The following TRPM8 variants were observed in gnomAD, a reference collection of about 807,000 sequenced individuals.
The protein encoded by TRPM8 is TRPM8 cationic channel.
In TRPM8, 110 loss-of-function variants were observed where a neutral mutation model predicts 133.7. That is an observed-to-expected ratio of 0.82 (90% confidence interval 0.70 to 0.96). The LOEUF is 0.96. Among genes scored for constraint, TRPM8 ranks in the 40% least tolerant of loss-of-function variants. The pLI is 0.00. For synonymous variants in TRPM8, 535 were observed against 532.3 expected (o/e 1.01, Z -0.07); for missense variants, 1,291 against 1,379.5 (o/e 0.94, Z 1.02).
intron 22 of TRPM8, among the ~76,000 whole-genome samples, chr2:234,004,526 C>T (rs1377676644): frequency 2.6e-5 from 4 of 152,152 alleles, no homozygotes; most frequent in African/African-American, 9.7e-5. Context: ...TGAAATTGTT[C>T]TTCTTTGGAG....
At chr2:234,011,914 CA>C (rs869030520) in intron 24 of TRPM8, among the ~76,000 whole-genome samples, 906 of 81,212 alleles carry the variant, frequency 0.011, 5 homozygotes, top group South Asian at 0.069. Flanking sequence ...GAGACTGTCT[CA>C]AAAAAAAAAA....
At chr2:233,943,830 A>G (rs1233117283) in intron 6 of TRPM8, among the ~76,000 whole-genome samples, 1 of 152,198 alleles carries the variant, frequency 6.6e-6, no homozygotes, top group Non-Finnish European at 1.5e-5. Flanking sequence ...TTTAAGCTAC[A>G]CCTTCTCCCA....
chr2:233,924,284 T>C lies in TRPM8; in HGVS notation c.-5-2249T>C, dbSNP rs141093982. 3.3e-5 allele frequency among the ~76,000 whole-genome samples: 5 copies of C among 152,312 alleles called. No individual in the cohort carries two copies. In the East Asian group the frequency reaches 9.6e-4, roughly 29 times the overall value. On this transcript the variant is annotated intron_variant, in intron 1 of 25. Transcript: ENST00000324695. ...GGATCTGGCGGTGTGATTTTGTTAC[T>C]TCTCCCTGGCGCATGACGCACCAAG...
intron 9 of TRPM8, among the ~76,000 whole-genome samples, chr2:233,951,955 T>C (rs534239127): frequency 6.6e-6 from 1 of 152,316 alleles, no homozygotes; most frequent in South Asian, 2.1e-4. Context: ...TCCCAGTTTC[T>C]TGACCACTCT....
At chr2:233,937,236 G>C (rs1690775767) in intron 3 of TRPM8, 117 bp from the exon 4 acceptor site, 1 of 1,294,848 alleles carries the variant, frequency 7.7e-7, no homozygotes, top group Admixed American at 2.3e-5. Flanking sequence ...GATGAAAACA[G>C]TCTGAAAATA....
chr2:233,977,228 A>G (rs976998888), intron 17 of TRPM8, among the ~76,000 whole-genome samples: 6 of 152,198 alleles, frequency 3.9e-5, no homozygotes, highest in Non-Finnish European at 5.9e-5. Flanking sequence ...AAAATGGATG[A>G]GTCCCATCAT....
intron 7 of TRPM8, among the ~76,000 whole-genome samples, chr2:233,946,521 G>A (rs998435421): frequency 5.3e-5 from 8 of 152,208 alleles, no homozygotes; most frequent in Non-Finnish European, 7.3e-5. Context: ...ATTATTTGCC[G>A]TGGTTGAGTG....
intron 17 of TRPM8, among the ~76,000 whole-genome samples, chr2:233,979,372 C>T (rs538274285): frequency 4.6e-5 from 7 of 152,104 alleles, no homozygotes; most frequent in East Asian, 1.9e-4. Context: ...TTCTGTGTGC[C>T]GGGAGCCTGG....
At chr2:233,956,049 T>C (rs1691286807) in intron 11 of TRPM8, among the ~76,000 whole-genome samples, 1 of 152,210 alleles carries the variant, frequency 6.6e-6, no homozygotes, top group African/African-American at 2.4e-5. Context: ...GAAAACAAGC[T>C]TGGGGTTCCC....
chr2:233,964,407 C>G (rs1691508572), intron 13 of TRPM8, among the ~76,000 whole-genome samples: 1 of 151,790 alleles, frequency 6.6e-6, no homozygotes, highest in Non-Finnish European at 1.5e-5. Context: ...CAAAAATTAG[C>G]TGGGCATGGT....
At chr2:233,932,781 T>A (rs1691706054) in intron 3 of TRPM8, among the ~76,000 whole-genome samples, 1 of 151,836 alleles carries the variant, frequency 6.6e-6, no homozygotes, top group African/African-American at 2.4e-5. Flanking sequence ...GAATCCCCCA[T>A]GTTTATTATT....
chr2:233,932,634 C>G (rs910897931), intron 3 of TRPM8, among the ~76,000 whole-genome samples: 11 of 151,948 alleles, frequency 7.2e-5, no homozygotes, highest in African/African-American at 2.7e-4. Context: ...GATTACAGCT[C>G]AAGTCTGGGT....
chr2:233,938,436 C>T (rs1208194186), intron 4 of TRPM8, among the ~76,000 whole-genome samples: 1 of 152,218 alleles, frequency 6.6e-6, no homozygotes, highest in East Asian at 1.9e-4. Context: ...ATGCCCGTGG[C>T]ACAGCCTTAA....
chr2:233,973,247 A>G (rs1353063194), intron 17 of TRPM8, among the ~76,000 whole-genome samples: 1 of 152,230 alleles, frequency 6.6e-6, no homozygotes, highest in Non-Finnish European at 1.5e-5. Context: ...GCCAAGATGA[A>G]GCACCATAGA....
Position 233,981,879 on chromosome 2 carries a change from A to G in TRPM8, c.2553A>G (p.Arg851=). 11 of 1,613,656 alleles carry G rather than the reference A, an allele frequency of 6.8e-6. No homozygotes were observed. The highest frequency in any genetic ancestry group is 9.3e-6 in the Non-Finnish European group (11 of 1,179,962). ...LRLIHIFTVS[R]NLGPKIIMLQ... Reference sequence around the variant, plus strand: ...TGATCCACATTTTTACTGTAAGCAGAAACTTAGGACCCAAGATTATAATGC... The same window carrying G: ...TGATCCACATTTTTACTGTAAGCAGGAACTTAGGACCCAAGATTATAATGC... The change falls in exon 19 of 26, where the codon AGA becomes AGG. Residue 851 remains arginine, a synonymous_variant. Coordinates refer to ENST00000324695, the MANE Select transcript of TRPM8 (RefSeq NM_024080.5).
At position 233,940,704 on chromosome 2, in the gene TRPM8, C is replaced by A. The variant is rs549986626; in HGVS notation, c.526+1529C>A. Among the ~76,000 whole-genome samples the A allele has an allele frequency of 5.3e-5, 8 of 152,254 alleles. 1 individual carries two copies. The South Asian group carries it at 1.7e-3, about 32-fold the overall frequency. On this transcript the variant is annotated intron_variant, in intron 5 of 25. Transcript: ENST00000324695. Reference sequence around the variant, plus strand: ...TGGCTGAAGTAGATATGAAGCCATACCCGCTGTACGTGCATGCAGTAAGTC... The same window carrying A: ...TGGCTGAAGTAGATATGAAGCCATAACCGCTGTACGTGCATGCAGTAAGTC...
chr2:233,947,954 G>A (rs571790038), intron 8 of TRPM8, among the ~76,000 whole-genome samples: 51 of 152,226 alleles, frequency 3.4e-4, no homozygotes, highest in African/African-American at 1.2e-3. Context: ...AAGTTAGTGT[G>A]ACTACATTTT....
chr2:233,970,049 C>G (rs748376777), intron 16 of TRPM8, 161 bp from the exon 17 acceptor site: 26 of 744,464 alleles, frequency 3.5e-5, no homozygotes, highest in Non-Finnish European at 5.8e-5. Flanking sequence ...TGCAAAATGC[C>G]AAGGATTTAA....
chr2:233,933,413 G>A (rs531611774), intron 3 of TRPM8, among the ~76,000 whole-genome samples: 174 of 152,256 alleles, frequency 1.1e-3, no homozygotes, highest in African/African-American at 3.9e-3. Context: ...CATATTGGAC[G>A]GTGTAGTTCT....
Sources: allele counts gnomAD v4.1 joint callset (sites outside exome capture counted in the v4.1 genomes callset), GRCh38; gene constraint gnomAD v4.1.1; transcripts MANE v1.5; gene names NCBI Gene and HGNC (gene_info 2026-07-23, HGNC 2026-07-21).